The following ALDH1L2 variants were observed in gnomAD, a reference collection of about 807,000 sequenced individuals.
ALDH1L2 encodes mitochondrial 10-formyltetrahydrofolate dehydrogenase.
Under a neutral mutation model 111.0 loss-of-function variants are expected in ALDH1L2, and 91 were observed. That is an observed-to-expected ratio of 0.82 (90% CI 0.69 to 0.98). The LOEUF is 0.98. ALDH1L2 is among the 50% of genes least tolerant of loss of function. ALDH1L2 has a pLI of 0.00. For missense variants in ALDH1L2, 995 were observed against 1,126.8 expected (o/e 0.88, Z 1.67); for synonymous variants, 374 against 392.6 (o/e 0.95, Z 0.56).
chr12:105,074,067 G>A (rs914234458), intron 1 of ALDH1L2, 62 bp from the exon 2 acceptor site: 2 of 1,593,884 alleles, frequency 1.3e-6, no homozygotes, highest in African/African-American at 1.3e-5. Flanking sequence ...TGAGGGTGAG[G>A]GTTAAAAAAG....
chr12:105,078,723 A>G (rs1301894157), intron 1 of ALDH1L2, among the ~76,000 whole-genome samples: 3 of 152,212 alleles, frequency 2.0e-5, no homozygotes, highest in Non-Finnish European at 4.4e-5. Context: ...AAGCTAAGAC[A>G]TAGTAACAGT....
intron 3 of ALDH1L2, among the ~76,000 whole-genome samples, chr12:105,070,247 G>C (rs2136104158): frequency 6.6e-6 from 1 of 152,318 alleles, no homozygotes. Flanking sequence ...GGTAAATGCT[G>C]TCCTGGTTCA....
chr12:105,066,465 G>T, intron 5 of ALDH1L2, 103 bp downstream of exon 5: 1 of 1,058,220 alleles, frequency 9.4e-7, no homozygotes, highest in Non-Finnish European at 1.4e-6. Flanking sequence ...TAGGGCTAGG[G>T]CAAGCTGGCT....
At chr12:105,039,911 A>C in intron 16 of ALDH1L2, 105 bp from the exon 17 acceptor site, 3 of 934,210 alleles carry the variant, frequency 3.2e-6, no homozygotes, top group Non-Finnish European at 5.2e-6. Flanking sequence ...CAAGCAGATC[A>C]CAAGGTCAGG....
In ALDH1L2 at chr12:105,040,768, T is replaced by C. The variant is rs982400632; in HGVS notation, c.1864-74A>G. On this transcript the variant is annotated intron_variant, in intron 15 of 22. Coordinates refer to ENST00000258494, the MANE Select transcript of ALDH1L2 (RefSeq NM_001034173.4). ...TTTAGCCCAGAACCCAGTTTTCCCT[T>C]GATAGCTGCACTAGATCTCATTTTA... 24 of 1,176,676 alleles carry C rather than the reference T, an allele frequency of 2.0e-5. No individual in the cohort carries two copies. In the South Asian group the frequency reaches 2.7e-4, roughly 13 times the overall value. 72.9% of individuals were successfully genotyped at this position (1,176,676 alleles called of 1,614,324 possible).
rs774492138 is a variant in ALDH1L2 at position 105,061,761 on chromosome 12, T to C, written c.922-9A>G. On this transcript the variant is annotated splice_polypyrimidine_tract_variant and intron_variant, in intron 7 of 22. Transcript: ENST00000258494. ...AGATTTCTCACCGTCAGCTACAAAA[T>C]AGCAACAAAACAAGCATAAAAATTG... 6.2e-7 allele frequency: 1 copy of C among 1,613,956 alleles called. No homozygotes were observed.
chr12:105,036,514 T>A (rs4964313), intron 18 of ALDH1L2, among the ~76,000 whole-genome samples: 534 of 23,634 alleles, frequency 0.023, 120 homozygotes, highest in South Asian at 0.061. Flanking sequence ...TATATATATT[T>A]TATATATATA....
chr12:105,075,068 G>A (rs1877970653), intron 1 of ALDH1L2, among the ~76,000 whole-genome samples: 3 of 152,172 alleles, frequency 2.0e-5, no homozygotes, highest in African/African-American at 7.2e-5. Context: ...AACTAATGCT[G>A]TTGCTTGAAA....
chr12:105,060,850 A>ATT, intron 9 of ALDH1L2, 131 bp downstream of exon 9: 2 of 460,362 alleles, frequency 4.3e-6, no homozygotes, highest in East Asian at 4.0e-5. Flanking sequence ...AAAAAAAAAG[A>ATT]TGAGTCATAG....
intron 22 of ALDH1L2, among the ~76,000 whole-genome samples, chr12:105,024,683 T>G (rs79380576): frequency 8.5e-5 from 13 of 152,352 alleles, no homozygotes; most frequent in Non-Finnish European, 1.6e-4. Flanking sequence ...TTAAGTCTGG[T>G]GTGGGCCCAG....
intron 9 of ALDH1L2, chr12:105,060,684 C>T (rs998626919): frequency 1.0e-4 from 21 of 207,430 alleles, no homozygotes; most frequent in African/African-American, 3.3e-4. Flanking sequence ...ATTAGCTGGG[C>T]GTGGTGGCGC....
intron 22 of ALDH1L2, among the ~76,000 whole-genome samples, chr12:105,026,240 C>T (rs535341248): frequency 3.3e-5 from 5 of 152,206 alleles, no homozygotes; most frequent in South Asian, 4.2e-4. Flanking sequence ...AAGTTCATGC[C>T]GAATGTCAGA....
chr12:105,040,099 C>T (rs1565954181), intron 16 of ALDH1L2, among the ~76,000 whole-genome samples: 2 of 126,844 alleles, frequency 1.6e-5, no homozygotes, highest in Non-Finnish European at 3.1e-5. Flanking sequence ...GCACTCCAGC[C>T]GGGGCAACAG....
Position 105,026,690 on chromosome 12 carries a change from TGA to T in ALDH1L2, c.2569_2570del (p.Ser857ArgfsTer15). 6.2e-7 allele frequency: 1 copy of T among 1,614,210 alleles called. No individual in the cohort carries two copies. The highest frequency in any genetic ancestry group is 8.5e-7 in the Non-Finnish European group (1 of 1,180,028). ...RANSTEYGLASGVFTRDINKA... is the reference protein window; with the variant it reads ...RANSTEYGLAXGVFTRDINKA... ...TGTTTATGTCTCTTGTAAAAACCCC[TGA>T]GGCCAAACCATACTCTGTACTATTT... On this transcript the variant is annotated frameshift_variant, in exon 22 of 23. Transcript: ENST00000258494. LOFTEE classifies it high-confidence loss of function.
chr12:105,041,430 C>T (rs1211607406), intron 15 of ALDH1L2, among the ~76,000 whole-genome samples: 2 of 152,178 alleles, frequency 1.3e-5, no homozygotes, highest in Non-Finnish European at 2.9e-5. Flanking sequence ...TCAGGAGGCA[C>T]GTGCTGTAGA....
At chr12:105,026,786 CA>C in intron 21 of ALDH1L2, 42 bp from the exon 22 acceptor site, 1 of 1,601,620 alleles carries the variant, frequency 6.2e-7, no homozygotes, top group South Asian at 1.1e-5. Context: ...AAATGTAAAG[CA>C]AAAGACTCAT....
intron 6 of ALDH1L2, among the ~76,000 whole-genome samples, chr12:105,064,631 G>C (rs1289214072): frequency 6.6e-6 from 1 of 152,196 alleles, no homozygotes; most frequent in Non-Finnish European, 1.5e-5. Context: ...TATGATGTGC[G>C]ATGCCAGAGG....
rs116460232 is a variant in ALDH1L2, at chr12:105,073,149, T to C, written c.193+712A>G. On this transcript the variant is annotated intron_variant, in intron 2 of 22. Coordinates refer to ENST00000258494, the MANE Select transcript of ALDH1L2 (RefSeq NM_001034173.4). ...TGAACCAGGCATAGTGTGAGCACTT[T>C]GTGTACATTAATCTAATTTAATCCT... 3.2e-3 allele frequency among the ~76,000 whole-genome samples: 491 copies of C among 152,326 alleles called. 4 individuals carry two copies. The highest frequency in any genetic ancestry group is 0.011 in the African/African-American group (468 of 41,570).
intron 6 of ALDH1L2, among the ~76,000 whole-genome samples, chr12:105,064,688 C>T (rs190685587): frequency 1.3e-5 from 2 of 152,266 alleles, no homozygotes; most frequent in Admixed American, 6.5e-5. Context: ...CAGACCCTGC[C>T]AGTCTGGGCA....
Sources: allele counts gnomAD v4.1 joint callset (sites outside exome capture counted in the v4.1 genomes callset), GRCh38; gene constraint gnomAD v4.1.1; transcripts MANE v1.5; gene names NCBI Gene and HGNC (gene_info 2026-07-23, HGNC 2026-07-21).